CACNG2: variants seen among roughly 807,000 people sequenced by gnomAD.
CACNG2 encodes voltage-dependent calcium channel gamma-2 subunit.
CACNG2 carries 3 observed loss-of-function variants against 25.9 expected under a neutral mutation model. The ratio of observed to expected loss-of-function variants is 0.12; its 90% CI spans 0.05 to 0.30. CACNG2 has a LOEUF of 0.30. Among genes scored for constraint, CACNG2 ranks in the 10% least tolerant of loss-of-function variants. The pLI, the probability that CACNG2 is intolerant of heterozygous loss-of-function variation, is 1.00. For missense variants in CACNG2, 341 were observed against 432.5 expected (o/e 0.79, Z 1.88); for synonymous variants, 167 against 173.3 (o/e 0.96, Z 0.29).
chr22:36,638,486 C>T (rs994796916), intron 1 of CACNG2, among the ~76,000 whole-genome samples: 3 of 152,184 alleles, frequency 2.0e-5, no homozygotes, highest in African/African-American at 7.2e-5. Flanking sequence ...AGCTCTTAGT[C>T]TTGCACTGGT....
intron 1 of CACNG2, among the ~76,000 whole-genome samples, chr22:36,615,005 A>G (rs1936002567): frequency 2.0e-5 from 3 of 152,178 alleles, no homozygotes; most frequent in Admixed American, 1.3e-4. Flanking sequence ...ACTGTGATGC[A>G]GTTTACTTCC....
chr22:36,563,805 TG>T lies in CACNG2; in HGVS notation c.*545del, dbSNP rs1935070340. 1 of 145,430 alleles carries T rather than the reference TG, an allele frequency of 6.9e-6. No individual in the cohort carries two copies. Among genetic ancestry groups the T allele is most frequent in the East Asian group, 2.0e-4 (1 of 4,916 alleles). The allele number at this position is 145,430 out of a possible 1,614,324, so 9.0% of individuals were successfully genotyped here. ...AATCTCCCAGGGAGGCAGGGCCCGCTGGGGGTTAAAGGGAACAGAAAAGTAA... is the reference window on the plus strand; with the variant it reads ...AATCTCCCAGGGAGGCAGGGCCCGCTGGGGTTAAAGGGAACAGAAAAGTAA... On this transcript the variant is annotated 3_prime_UTR_variant, in exon 4 of 4. Coordinates refer to ENST00000300105, the MANE Select transcript of CACNG2 (RefSeq NM_006078.5).
chr22:36,630,674 A>G (rs922258917), intron 1 of CACNG2, among the ~76,000 whole-genome samples: 2 of 152,144 alleles, frequency 1.3e-5, no homozygotes, highest in African/African-American at 2.4e-5. Context: ...GTCGGGTATT[A>G]TCTTTTGAGA....
At chr22:36,575,737 C>T (rs1935302221) in intron 2 of CACNG2, among the ~76,000 whole-genome samples, 1 of 152,188 alleles carries the variant, frequency 6.6e-6, no homozygotes, top group Non-Finnish European at 1.5e-5. Context: ...CCCATACAGC[C>T]AGGCCATGCT....
intron 1 of CACNG2, among the ~76,000 whole-genome samples, chr22:36,685,855 T>C (rs1050964088): frequency 6.6e-6 from 1 of 152,260 alleles, no homozygotes; most frequent in Non-Finnish European, 1.5e-5. Flanking sequence ...TTATTACTAC[T>C]ATTTTTGCTG....
intron 1 of CACNG2, among the ~76,000 whole-genome samples, chr22:36,670,569 C>T (rs1248566234): frequency 6.6e-6 from 1 of 152,072 alleles, no homozygotes; most frequent in African/African-American, 2.4e-5. Flanking sequence ...GTTCTAGAAG[C>T]CAGGAAGTGG....
At chr22:36,590,519 T>A (rs552291255) in intron 1 of CACNG2, among the ~76,000 whole-genome samples, 12 of 152,112 alleles carry the variant, frequency 7.9e-5, no homozygotes, top group Admixed American at 5.2e-4. Flanking sequence ...GCTCCATCCA[T>A]CAGGGCGTCC....
chr22:36,699,940 C>CA (rs1937389683), intron 1 of CACNG2, among the ~76,000 whole-genome samples: 1 of 152,242 alleles, frequency 6.6e-6, no homozygotes, highest in African/African-American at 2.4e-5. Flanking sequence ...CCCAGGCCTG[C>CA]AAAGCTCCAA....
chr22:36,566,598 AC>A, intron 2 of CACNG2, 105 bp from the exon 3 acceptor site: 1 of 1,223,744 alleles, frequency 8.2e-7, no homozygotes, highest in African/African-American at 1.5e-5. Flanking sequence ...GGGTTTATGG[AC>A]ACAGCCTTAG....
intron 1 of CACNG2, among the ~76,000 whole-genome samples, chr22:36,688,885 A>G (rs1172519172): frequency 1.3e-5 from 2 of 152,160 alleles, no homozygotes; most frequent in Admixed American, 1.3e-4. Context: ...TCCCCAGGTG[A>G]TCTGTGTACA....
rs1442290100 is a variant in CACNG2, at chr22:36,561,508, C to T, written c.*2843G>A. ...GGGCTGGGCTGGCCGATGTTCTGCC[C>T]CTTGCTGACCTGGGAAAATAACTTT... is the stretch of plus-strand genomic sequence containing the variant. On this transcript the variant is annotated 3_prime_UTR_variant, in exon 4 of 4. Coordinates refer to ENST00000300105, the MANE Select transcript of CACNG2 (RefSeq NM_006078.5). 1 of 152,274 alleles carries T rather than the reference C, an allele frequency of 6.6e-6. No individual in the cohort carries two copies. The highest frequency in any genetic ancestry group is 1.9e-4 in the East Asian group (1 of 5,200). The allele number at this position is 152,274 out of a possible 1,614,324, so 9.4% of individuals were successfully genotyped here. A position where few individuals can be genotyped will look rare whatever the true frequency, so the allele number is the denominator to read the frequency against.
intron 1 of CACNG2, among the ~76,000 whole-genome samples, chr22:36,693,045 C>T (rs572994493): frequency 4.6e-5 from 7 of 152,246 alleles, no homozygotes; most frequent in Admixed American, 4.6e-4. Context: ...ACTCGGGAGG[C>T]TGAGGCATAA....
intron 1 of CACNG2, among the ~76,000 whole-genome samples, chr22:36,685,707 C>T (rs962771220): frequency 3.3e-5 from 5 of 152,248 alleles, no homozygotes; most frequent in African/African-American, 4.8e-5. Flanking sequence ...GGAAGGATTC[C>T]GCTGTTCCGG....
At chr22:36,576,234 G>A (rs1175903718) in intron 2 of CACNG2, among the ~76,000 whole-genome samples, 1 of 152,144 alleles carries the variant, frequency 6.6e-6, no homozygotes, top group African/African-American at 2.4e-5. Flanking sequence ...CAGCAACCTG[G>A]GTGAGATCGG....
At chr22:36,636,214 T>C (rs1371899388) in intron 1 of CACNG2, among the ~76,000 whole-genome samples, 1 of 152,166 alleles carries the variant, frequency 6.6e-6, no homozygotes, top group African/African-American at 2.4e-5. Context: ...TTCTATCCCT[T>C]TCCACCTCCT....
At chr22:36,592,367 G>A (rs1935610211) in intron 1 of CACNG2, among the ~76,000 whole-genome samples, 1 of 152,034 alleles carries the variant, frequency 6.6e-6, no homozygotes, top group Non-Finnish European at 1.5e-5. Context: ...CAGAGAGTGG[G>A]ATGCAAAAGA....
At chr22:36,689,560 C>T (rs1030126129) in intron 1 of CACNG2, among the ~76,000 whole-genome samples, 10 of 152,294 alleles carry the variant, frequency 6.6e-5, no homozygotes, top group Non-Finnish European at 8.8e-5. Context: ...GAGATTCAAA[C>T]GACAGGTCTT....
chr22:36,650,588 T>A (rs982297062), intron 1 of CACNG2, among the ~76,000 whole-genome samples: 1 of 152,146 alleles, frequency 6.6e-6, no homozygotes, highest in Admixed American at 6.5e-5. Flanking sequence ...TGTTGCCCAG[T>A]CTGGTCTCAA....
intron 1 of CACNG2, among the ~76,000 whole-genome samples, chr22:36,629,150 C>G (rs1049124902): frequency 1.3e-5 from 2 of 152,170 alleles, no homozygotes; most frequent in Non-Finnish European, 2.9e-5. Context: ...CTTCAAAATC[C>G]CAAACTTGGA....
Sources: allele counts gnomAD v4.1 joint callset (sites outside exome capture counted in the v4.1 genomes callset), GRCh38; gene constraint gnomAD v4.1.1; transcripts MANE v1.5; gene names NCBI Gene and HGNC (gene_info 2026-07-23, HGNC 2026-07-21).